The following RAPGEF2 variants were observed in gnomAD, a reference collection of about 807,000 sequenced individuals.
The protein encoded by RAPGEF2 is PDZ domain containing guanine nucleotide exchange factor (GEF) 1.
A neutral mutation model predicts 186.7 loss-of-function variants in RAPGEF2; 54 were observed. That is an observed-to-expected ratio of 0.29 (90% confidence interval 0.23 to 0.36). The LOEUF is 0.36. Among genes scored for constraint, RAPGEF2 ranks in the 10% least tolerant of loss-of-function variants. RAPGEF2 has a pLI of 1.00. For missense variants in RAPGEF2, 1,532 were observed against 2,045.0 expected (o/e 0.75, Z 4.84); for synonymous variants, 712 against 705.9 (o/e 1.01, Z -0.14).
chr4:159,345,084 T>C (rs1181133146), intron 23 of RAPGEF2, 22 bp from the exon 24 acceptor site: 10 of 1,585,816 alleles, frequency 6.3e-6, no homozygotes, highest in Middle Eastern at 1.7e-4. Flanking sequence ...GTGAGCTGCA[T>C]ATGTACCTTT....
rs756095522 is a variant in RAPGEF2, at chr4:159,241,176, G to A, written c.358-25G>A. ...TAGGAAATGTTGTGTTTGGAGAAAT[G>A]AAATTTTGGGGGGTTTTATTTCAGG... On this transcript the variant is annotated intron_variant, in intron 5 of 29. Transcript: ENST00000691494. The A allele has an allele frequency of 6.8e-6, 10 of 1,462,382 alleles. No individual in the cohort carries two copies. The South Asian group carries it at 1.4e-4, about 20-fold the overall frequency. The allele number at this position is 1,462,382 out of a possible 1,614,324, so 90.6% of individuals were successfully genotyped here. A position where few individuals can be genotyped will look rare whatever the true frequency, so the allele number is the denominator to read the frequency against.
In RAPGEF2 at chr4:159,267,018, A is replaced by C. The variant is rs939368330; in HGVS notation, c.543+23227A>C. The C allele has an allele frequency of 2.2e-5, 8 of 367,212 alleles. No homozygotes were observed. In the Admixed American group the frequency reaches 2.3e-4, roughly 11 times the overall value. 22.7% of individuals were successfully genotyped at this position (367,212 alleles called of 1,614,324 possible). On this transcript the variant is annotated intron_variant, in intron 7 of 29. Transcript: ENST00000691494. Reference sequence around the variant, plus strand: ...GCTACCTTAATGAGTGAAATGGTTAAGTAGAGGAGGGGGCGAGTCTTAAGG... The same window carrying C: ...GCTACCTTAATGAGTGAAATGGTTACGTAGAGGAGGGGGCGAGTCTTAAGG...
chr4:159,350,277 T>A lies in RAPGEF2; in HGVS notation c.3853T>A (p.Ser1285Thr). ...TTCTCCTCCTACTTCTCCACAGAGTTCTCCAAGGAAAGGTAGAATTAAATT... is the reference window on the plus strand; with the variant it reads ...TTCTCCTCCTACTTCTCCACAGAGTACTCCAAGGAAAGGTAGAATTAAATT... ...LSSPPTSPQS[S>T]PRKGYTLAPS... The change falls in exon 26 of 30, where the codon TCT becomes ACT. Residue 1285 changes from serine to threonine, a missense_variant. Ser to Thr is a moderately conservative substitution (Grantham distance 58). Coordinates refer to ENST00000691494, the MANE Select transcript of RAPGEF2 (RefSeq NM_001394067.2). The A allele has an allele frequency of 6.4e-7, 1 of 1,570,448 alleles. No homozygotes were observed. Among genetic ancestry groups the A allele is most frequent in the Non-Finnish European group, 8.6e-7 (1 of 1,161,532 alleles).
At chr4:159,137,643 C>T (rs1256813330) in intron 1 of RAPGEF2, among the ~76,000 whole-genome samples, 1 of 135,186 alleles carries the variant, frequency 7.4e-6, no homozygotes, top group Non-Finnish European at 1.5e-5. Flanking sequence ...AAGAACACAC[C>T]TTTTTAGGTA....
intron 13 of RAPGEF2, among the ~76,000 whole-genome samples, chr4:159,331,103 C>CT (rs1237592628): frequency 1.3e-5 from 2 of 152,108 alleles, no homozygotes; most frequent in Non-Finnish European, 2.9e-5. Flanking sequence ...TAGTTTCTGT[C>CT]TTTTGTATTA....
intron 3 of RAPGEF2, among the ~76,000 whole-genome samples, chr4:159,198,276 T>TTC (rs1322824024): frequency 6.7e-4 from 2 of 2,980 alleles, no homozygotes; most frequent in African/African-American, 2.5e-3. Flanking sequence ...CTTTCCTTCT[T>TTC]TCTTTCTTTC....
chr4:159,273,654 CTTTCTT>C (rs905832463), intron 7 of RAPGEF2, among the ~76,000 whole-genome samples: 5 of 143,696 alleles, frequency 3.5e-5, no homozygotes, highest in South Asian at 2.3e-4. Flanking sequence ...TTCTTTCTTT[CTTTCTT>C]TCTTTCTTTC....
intron 1 of RAPGEF2, among the ~76,000 whole-genome samples, chr4:159,158,830 C>T (rs1300286082): frequency 6.6e-6 from 1 of 152,202 alleles, no homozygotes; most frequent in Non-Finnish European, 1.5e-5. Flanking sequence ...CAGAAATTAT[C>T]ATTGACAACC....
intron 17 of RAPGEF2, among the ~76,000 whole-genome samples, chr4:159,336,930 G>A (rs1767511790): frequency 6.6e-6 from 1 of 152,110 alleles, no homozygotes; most frequent in African/African-American, 2.4e-5. Context: ...ATAGAAACTA[G>A]TCTGAGCTAT....
intron 7 of RAPGEF2, among the ~76,000 whole-genome samples, chr4:159,302,748 CTAAA>C (rs1762824129): frequency 6.6e-6 from 1 of 151,682 alleles, no homozygotes; most frequent in Non-Finnish European, 1.5e-5. Context: ...TGTTATTCTC[CTAAA>C]TATTACATAT....
intron 29 of RAPGEF2, among the ~76,000 whole-genome samples, chr4:159,357,210 A>T (rs1732156102): frequency 6.6e-6 from 1 of 152,124 alleles, no homozygotes; most frequent in Non-Finnish European, 1.5e-5. Context: ...ATATTTTTCA[A>T]ATGACCCAGG....
At position 159,338,329 on chromosome 4, in the gene RAPGEF2, G is replaced by A. The variant is rs372513860; in HGVS notation, c.2154G>A (p.Gln718=). Residue 718 remains glutamine (Q), a synonymous_variant, in exon 18 of 30, where the codon CAG becomes CAA. Transcript: ENST00000691494. The part of the protein sequence containing the change: ...QKPYNDIGIG[Q]SQDDSIVGLR... Reference sequence around the variant, plus strand: ...TGTTCAGTGATATTGGGATTGGTCAGTCTCAAGATGACAGCATAGTAGGAT... The same window carrying A: ...TGTTCAGTGATATTGGGATTGGTCAATCTCAAGATGACAGCATAGTAGGAT... The A allele has an allele frequency of 3.1e-6, 5 of 1,613,284 alleles. No individual in the cohort carries two copies. The highest frequency in any genetic ancestry group is 1.7e-5 in the Admixed American group (1 of 59,884).
At chr4:159,338,286 T>C (rs1321968475) in intron 17 of RAPGEF2, 25 bp from the exon 18 acceptor site, 2 of 1,589,928 alleles carry the variant, frequency 1.3e-6, no homozygotes, top group South Asian at 1.1e-5. Flanking sequence ...TTGTTGATAA[T>C]TTTCTAATTT....
intron 1 of RAPGEF2, among the ~76,000 whole-genome samples, chr4:159,147,593 TA>T (rs761871648): frequency 1.3e-5 from 2 of 152,216 alleles, no homozygotes; most frequent in Non-Finnish European, 2.9e-5. Context: ...GAATTTGGAA[TA>T]AAAGATTATT....
chr4:159,299,094 TG>T (rs1199416202), intron 7 of RAPGEF2, among the ~76,000 whole-genome samples: 1 of 152,196 alleles, frequency 6.6e-6, no homozygotes, highest in East Asian at 1.9e-4. Flanking sequence ...GACAATGATA[TG>T]GGGAAAGCAG....
intron 3 of RAPGEF2, among the ~76,000 whole-genome samples, chr4:159,199,562 C>T (rs1318712799): frequency 6.6e-6 from 1 of 151,934 alleles, no homozygotes; most frequent in East Asian, 1.9e-4. Context: ...AATAAAATGG[C>T]TGGTTACACA....
At chr4:159,347,701 G>A (rs866996925) in intron 25 of RAPGEF2, among the ~76,000 whole-genome samples, 40 of 152,276 alleles carry the variant, frequency 2.6e-4, no homozygotes, top group Middle Eastern at 3.4e-3. Flanking sequence ...GGAGAATGGC[G>A]TGAACCCGGG....
intron 7 of RAPGEF2, among the ~76,000 whole-genome samples, chr4:159,299,679 T>C (rs982083985): frequency 5.9e-5 from 9 of 152,142 alleles, no homozygotes; most frequent in African/African-American, 1.4e-4. Context: ...TATTTACTTA[T>C]TGGTATCAGA....
chr4:159,152,107 A>G (rs1011833190), intron 1 of RAPGEF2, among the ~76,000 whole-genome samples: 1 of 152,202 alleles, frequency 6.6e-6, no homozygotes, highest in Non-Finnish European at 1.5e-5. Flanking sequence ...ATACTGCTTG[A>G]GCTCAGGAGT....
Sources: gnomAD v4.1 joint callset for allele counts (sites outside exome capture counted in the v4.1 genomes callset) on GRCh38, gnomAD v4.1.1 for gene constraint, MANE v1.5 for transcripts, NCBI Gene and HGNC (gene_info 2026-07-23, HGNC 2026-07-21) for gene names.